The following ST6GAL1 variants were observed in gnomAD, a reference collection of about 807,000 sequenced individuals.
The protein encoded by ST6GAL1 is ST6 beta-galactoside alpha-2,6-sialyltransferase 1, also known as beta-galactoside alpha-2,6-sialyltransferase 1.
Under a neutral mutation model 38.0 loss-of-function variants are expected in ST6GAL1, and 20 were observed. That is an observed-to-expected ratio of 0.53 (90% CI 0.37 to 0.77). The LOEUF (loss-of-function observed/expected upper bound fraction) is 0.77, where lower values mean the gene tolerates loss of function less well. ST6GAL1 is among the 30% of genes least tolerant of loss of function. The pLI is 0.00. For synonymous variants in ST6GAL1, 196 were observed against 188.2 expected (o/e 1.04, Z -0.34); for missense variants, 432 against 496.4 (o/e 0.87, Z 1.23).
rs776230435 is a variant in ST6GAL1, at chr3:187,043,202, G to A, written c.499G>A (p.Gly167Ser). Residue 167 changes from glycine (G) to serine (S), a missense_variant, in exon 4 of 8, where the codon GGT becomes AGT. Coordinates refer to ENST00000169298, the MANE Select transcript of ST6GAL1 (RefSeq NM_173216.2). ...TCCCTTCAATACCTCTGAATGGGAG[G>A]GTTATCTGCCCAAGGAGAGCATTAG... is the stretch of plus-strand genomic sequence containing the variant. ...DFPFNTSEWE[G>S]YLPKESIRTK... 2 of 1,614,102 alleles carry A rather than the reference G, an allele frequency of 1.2e-6. No individual in the cohort carries two copies. Among genetic ancestry groups the A allele is most frequent in the South Asian group, 1.1e-5 (1 of 91,084 alleles).
chr3:187,035,010 C>T (rs1717880438), intron 2 of ST6GAL1, among the ~76,000 whole-genome samples: 1 of 152,172 alleles, frequency 6.6e-6, no homozygotes, highest in African/African-American at 2.4e-5. Context: ...ACTATAAAGA[C>T]ACTGCCAAAA....
At chr3:187,069,335 A>T (rs146901658) in intron 5 of ST6GAL1, among the ~76,000 whole-genome samples, 2,405 of 152,236 alleles carry the variant, frequency 0.016, 67 homozygotes, top group African/African-American at 0.055. Context: ...GGGTTTCGCC[A>T]TGTTGGCCAG....
chr3:187,054,473 A>G (rs1718621812), intron 5 of ST6GAL1, among the ~76,000 whole-genome samples: 1 of 152,178 alleles, frequency 6.6e-6, no homozygotes, highest in Non-Finnish European at 1.5e-5. Flanking sequence ...GATACATTCC[A>G]TCAATACCTA....
rs1487431253 is a variant in ST6GAL1 at position 186,984,806 on chromosome 3, T to C, written c.-183+20880T>C. On this transcript the variant is annotated intron_variant, in intron 2 of 7. Transcript: ENST00000169298. ...TTCCTCCCTTCCTTCCTTCCTTCCA[T>C]CCTTCCTTCCTTCCTTCCTTCCCTC... Among the ~76,000 whole-genome samples the C allele has an allele frequency of 2.7e-4, 7 of 26,172 alleles. 1 individual carries two copies. The highest frequency in any genetic ancestry group is 4.2e-4 in the African/African-American group (3 of 7,180). The allele number at this position is 26,172 out of a possible 152,430, so 17.2% of individuals were successfully genotyped here.
At chr3:187,011,274 C>T (rs897660354) in intron 2 of ST6GAL1, among the ~76,000 whole-genome samples, 51 of 152,354 alleles carry the variant, frequency 3.3e-4, no homozygotes, top group African/African-American at 1.1e-3. Context: ...GCTGGGATTA[C>T]AGGCGTGAGC....
At chr3:187,038,206 T>C (rs1326238203) in intron 2 of ST6GAL1, among the ~76,000 whole-genome samples, 85 of 149,508 alleles carry the variant, frequency 5.7e-4, no homozygotes, top group African/African-American at 1.6e-3. Context: ...TCTTTTTTTT[T>C]TTTTTTTTTT....
chr3:186,959,316 G>A (rs1412945224), intron 1 of ST6GAL1, among the ~76,000 whole-genome samples: 1 of 152,162 alleles, frequency 6.6e-6, no homozygotes, highest in Non-Finnish European at 1.5e-5. Context: ...ATAAAGAAAA[G>A]CCCCTGGGAG....
intron 2 of ST6GAL1, among the ~76,000 whole-genome samples, chr3:187,026,524 CAACCTTTTA>C (rs1299821371): frequency 6.6e-6 from 1 of 152,232 alleles, no homozygotes; most frequent in African/African-American, 2.4e-5. Context: ...CCTGCAGAGG[CAACCTTTTA>C]AGTATTGTTA....
At chr3:187,004,316 AAG>A (rs1716712424) in intron 2 of ST6GAL1, among the ~76,000 whole-genome samples, 4 of 152,368 alleles carry the variant, frequency 2.6e-5, no homozygotes, top group Admixed American at 2.0e-4. Flanking sequence ...ATAGCAATGG[AAG>A]AACAGACTAA....
intron 5 of ST6GAL1, among the ~76,000 whole-genome samples, chr3:187,051,800 T>G (rs1434316573): frequency 6.6e-6 from 1 of 152,192 alleles, no homozygotes; most frequent in Non-Finnish European, 1.5e-5. Flanking sequence ...CTAGAATTCA[T>G]GTACTATTTC....
intron 2 of ST6GAL1, among the ~76,000 whole-genome samples, chr3:187,020,162 T>C (rs1021343633): frequency 6.6e-6 from 1 of 152,258 alleles, no homozygotes; most frequent in African/African-American, 2.4e-5. Flanking sequence ...CCGGGCGTGG[T>C]GGCGGGTGCC....
intron 2 of ST6GAL1, among the ~76,000 whole-genome samples, chr3:186,987,166 AAG>A (rs1715957393): frequency 8.0e-6 from 1 of 124,242 alleles, no homozygotes; most frequent in South Asian, 3.6e-4. Context: ...GGGAGGAAGA[AAG>A]AGAAAGAGAG....
intron 2 of ST6GAL1, among the ~76,000 whole-genome samples, chr3:187,026,454 C>T (rs533551375): frequency 5.3e-5 from 8 of 152,284 alleles, no homozygotes; most frequent in African/African-American, 1.9e-4. Flanking sequence ...ATAGTAAAAG[C>T]TCATTAATTA....
At chr3:187,019,729 G>A (rs115151141) in intron 2 of ST6GAL1, among the ~76,000 whole-genome samples, 6 of 152,316 alleles carry the variant, frequency 3.9e-5, no homozygotes, top group South Asian at 2.1e-4. Context: ...AGCCCCTCTC[G>A]GAGGCACTAT....
intron 5 of ST6GAL1, among the ~76,000 whole-genome samples, chr3:187,062,188 G>A (rs1422471003): frequency 7.9e-6 from 1 of 126,850 alleles, no homozygotes; most frequent in Non-Finnish European, 1.5e-5. Flanking sequence ...CCCCCATTAG[G>A]GTGGCTTCTA....
intron 1 of ST6GAL1, among the ~76,000 whole-genome samples, chr3:186,951,397 T>C (rs1361208907): frequency 6.6e-6 from 1 of 152,208 alleles, no homozygotes; most frequent in Non-Finnish European, 1.5e-5. Flanking sequence ...ATTGGTGTTG[T>C]AGGCCATGTC....
At chr3:187,024,587 C>A (rs1159113181) in intron 2 of ST6GAL1, 4 of 151,206 alleles carry the variant, frequency 2.6e-5, no homozygotes, top group Non-Finnish European at 4.4e-5. Context: ...ACCACCAAAT[C>A]TCAACAAGCC....
intron 2 of ST6GAL1, among the ~76,000 whole-genome samples, chr3:187,022,276 A>G (rs959166616): frequency 7.9e-5 from 12 of 152,162 alleles, no homozygotes; most frequent in African/African-American, 2.2e-4. Context: ...ATATGGTCAC[A>G]TAAGTCATCT....
intron 2 of ST6GAL1, among the ~76,000 whole-genome samples, chr3:186,989,496 CAGAT>C (rs1716078096): frequency 6.6e-6 from 1 of 152,158 alleles, no homozygotes; most frequent in Admixed American, 6.5e-5. Context: ...TTTTATTCAT[CAGAT>C]AGAGGATTGG....
Sources: gnomAD v4.1 joint callset for allele counts (sites outside exome capture counted in the v4.1 genomes callset) on GRCh38, gnomAD v4.1.1 for gene constraint, MANE v1.5 for transcripts, NCBI Gene and HGNC (gene_info 2026-07-23, HGNC 2026-07-21) for gene names.